Variants in UBE2E2 observed in about 807,000 individuals in gnomAD.
UBE2E2 encodes ubiquitin conjugating enzyme E2 E2, also known as ubiquitin-conjugating enzyme E2 E2.
Under a neutral mutation model 24.7 loss-of-function variants are expected in UBE2E2, and 6 were observed. The ratio of observed to expected loss-of-function variants is 0.24; its 90% CI spans 0.13 to 0.48. The LOEUF (loss-of-function observed/expected upper bound fraction) is 0.48, where lower values mean the gene tolerates loss of function less well. UBE2E2 is among the 20% of genes least tolerant of loss of function. The probability of loss-of-function intolerance (pLI) is 0.99; values close to 1 mark genes in which losing one functional copy is unlikely to be tolerated. For synonymous variants in UBE2E2, 104 were observed against 83.6 expected (o/e 1.24, Z -1.33); for missense variants, 169 against 245.0 (o/e 0.69, Z 2.07).
At chr3:23,390,271 C>T (rs1696902769) in intron 3 of UBE2E2, among the ~76,000 whole-genome samples, 2 of 152,152 alleles carry the variant, frequency 1.3e-5, no homozygotes, top group African/African-American at 4.8e-5. Flanking sequence ...CTGCCTCCCT[C>T]CCCACTTATC....
chr3:23,272,053 A>G (rs964823395), intron 3 of UBE2E2, among the ~76,000 whole-genome samples: 7 of 152,148 alleles, frequency 4.6e-5, no homozygotes, highest in South Asian at 4.1e-4. Context: ...TGGGCAGTCA[A>G]TGGGACTGGG....
At chr3:23,492,900 T>C (rs548899920) in intron 3 of UBE2E2, among the ~76,000 whole-genome samples, 2 of 152,276 alleles carry the variant, frequency 1.3e-5, no homozygotes, top group African/African-American at 4.8e-5. Context: ...AGGTGAATTT[T>C]ATTTTAATAC....
At chr3:23,387,367 T>A (rs1306214284) in intron 3 of UBE2E2, among the ~76,000 whole-genome samples, 1 of 152,232 alleles carries the variant, frequency 6.6e-6, no homozygotes, top group African/African-American at 2.4e-5. Context: ...GTAAATCCCC[T>A]ACTTTCAACC....
At chr3:23,496,627 T>C (rs1252295986) in intron 3 of UBE2E2, among the ~76,000 whole-genome samples, 1 of 152,212 alleles carries the variant, frequency 6.6e-6, no homozygotes, top group African/African-American at 2.4e-5. Flanking sequence ...CACTGCTATA[T>C]AGTATTCCTT....
chr3:23,485,080 C>T (rs1436320681), intron 3 of UBE2E2, among the ~76,000 whole-genome samples: 1 of 147,882 alleles, frequency 6.8e-6, no homozygotes, highest in African/African-American at 2.5e-5. Context: ...AGTGAGTCCA[C>T]TTAACACTAC....
chr3:23,438,048 T>C (rs1208645260), intron 3 of UBE2E2, among the ~76,000 whole-genome samples: 3 of 152,212 alleles, frequency 2.0e-5, no homozygotes, highest in African/African-American at 7.2e-5. Context: ...GTCAGATTAA[T>C]TCAGCAGATT....
intron 3 of UBE2E2, among the ~76,000 whole-genome samples, chr3:23,349,596 C>A (rs547172234): frequency 6.6e-6 from 1 of 152,220 alleles, no homozygotes; most frequent in Non-Finnish European, 1.5e-5. Context: ...ACGCAAGGCT[C>A]GGAGGGTCCT....
chr3:23,299,370 G>A (rs1221139982), intron 3 of UBE2E2, among the ~76,000 whole-genome samples: 2 of 152,090 alleles, frequency 1.3e-5, no homozygotes, highest in African/African-American at 4.8e-5. Context: ...TTTTAGTTGT[G>A]ATGTTAGGGT....
In UBE2E2 at chr3:23,387,346, T is replaced by G. The variant is rs1696826928; in HGVS notation, c.228-112262T>G. Reference sequence around the variant, plus strand: ...AAAGGTGAATTGGATTAGATTTTGCTTCTATCTCAGGTAAATCCCCTACTT... The same window carrying G: ...AAAGGTGAATTGGATTAGATTTTGCGTCTATCTCAGGTAAATCCCCTACTT... On this transcript the variant is annotated intron_variant, in intron 3 of 5. Coordinates refer to ENST00000396703, the MANE Select transcript of UBE2E2 (RefSeq NM_152653.4). 5.3e-5 allele frequency among the ~76,000 whole-genome samples: 8 copies of G among 152,328 alleles called. No individual in the cohort carries two copies. In the South Asian group the frequency reaches 1.7e-3, roughly 32 times the overall value.
intron 3 of UBE2E2, among the ~76,000 whole-genome samples, chr3:23,440,151 G>A (rs993487048): frequency 6.6e-5 from 10 of 152,012 alleles, no homozygotes; most frequent in Non-Finnish European, 1.3e-4. Context: ...GCAGGTGCCT[G>A]TAATCCCAGC....
intron 3 of UBE2E2, among the ~76,000 whole-genome samples, chr3:23,298,336 T>C (rs1164742306): frequency 6.6e-6 from 1 of 151,462 alleles, no homozygotes; most frequent in Non-Finnish European, 1.5e-5. Flanking sequence ...TGAATAGGAG[T>C]GGTGAGAGAG....
intron 3 of UBE2E2, among the ~76,000 whole-genome samples, chr3:23,332,697 G>A (rs1232444487): frequency 6.6e-6 from 1 of 150,672 alleles, no homozygotes; most frequent in Non-Finnish European, 1.5e-5. Flanking sequence ...GTGTGTGTGT[G>A]TGTGTGTGTG....
At chr3:23,484,204 A>T (rs186405382) in intron 3 of UBE2E2, among the ~76,000 whole-genome samples, 3 of 152,074 alleles carry the variant, frequency 2.0e-5, no homozygotes, top group Non-Finnish European at 2.9e-5. Context: ...TTATCTCCCT[A>T]TACCAGTTAA....
rs370472978 is a variant in UBE2E2 at position 23,415,392 on chromosome 3, C to G, written c.228-84216C>G. Among the ~76,000 whole-genome samples, 4 of 152,272 alleles carry G rather than the reference C, an allele frequency of 2.6e-5. No individual in the cohort carries two copies. In the East Asian group the frequency reaches 5.8e-4, roughly 22 times the overall value. On this transcript the variant is annotated intron_variant, in intron 3 of 5. Transcript: ENST00000396703. ...TCTTCAAATTGCAACTCTGATCCAT[C>G]AGTGGGTTGTAAAATCAAATTAGCG...
intron 4 of UBE2E2, among the ~76,000 whole-genome samples, chr3:23,526,756 G>C (rs754511380): frequency 6.6e-6 from 1 of 152,204 alleles, no homozygotes; most frequent in Non-Finnish European, 1.5e-5. Flanking sequence ...CAGTGTGTCT[G>C]TTTAATTCAG....
At position 23,517,473 on chromosome 3, in the gene UBE2E2, C is replaced by T. The variant is rs539829506; in HGVS notation, c.361-15081C>T. ...TAACTGTTGAAACATCAGAAGCTCT[C>T]GATCAATTGTCATTTTTAATTATGG... On this transcript the variant is annotated intron_variant, in intron 4 of 5. Transcript: ENST00000396703. Among the ~76,000 whole-genome samples the T allele has an allele frequency of 3.3e-5, 5 of 152,190 alleles. No homozygotes were observed. In the East Asian group the frequency reaches 7.7e-4, roughly 23 times the overall value.
At chr3:23,558,766 C>CA in intron 5 of UBE2E2, among the ~76,000 whole-genome samples, 1 of 152,130 alleles carries the variant, frequency 6.6e-6, no homozygotes, top group Non-Finnish European at 1.5e-5. Context: ...CTGTTCATCT[C>CA]AGTGTTATTT....
At chr3:23,241,595 C>G (rs964035647) in intron 3 of UBE2E2, among the ~76,000 whole-genome samples, 4 of 152,124 alleles carry the variant, frequency 2.6e-5, no homozygotes, top group African/African-American at 9.7e-5. Context: ...CAAATGTCAT[C>G]TCGGTGAGGC....
chr3:23,345,596 T>G (rs543792865), intron 3 of UBE2E2, among the ~76,000 whole-genome samples: 3 of 152,258 alleles, frequency 2.0e-5, no homozygotes, highest in African/African-American at 7.2e-5. Context: ...CTCACAAAAT[T>G]AGTAGTTGTG....
Sources: gnomAD v4.1 joint callset for allele counts (sites outside exome capture counted in the v4.1 genomes callset) on GRCh38, gnomAD v4.1.1 for gene constraint, MANE v1.5 for transcripts, NCBI Gene and HGNC (gene_info 2026-07-23, HGNC 2026-07-21) for gene names.